Variants in DDC observed in about 807,000 individuals in gnomAD.
DDC encodes dopa decarboxylase, also known as aromatic-L-amino-acid decarboxylase.
In DDC, 43 loss-of-function variants were observed where a neutral mutation model predicts 60.0. The observed-to-expected ratio is 0.72, with a 90% confidence interval of 0.56 to 0.92. The LOEUF is 0.92. Ranked by LOEUF, DDC falls within the 40% of genes least tolerant of loss-of-function variation. DDC has a pLI of 0.00. For missense variants in DDC, 573 were observed against 620.2 expected (o/e 0.92, Z 0.81); for synonymous variants, 232 against 234.6 (o/e 0.99, Z 0.10).
chr7:50,546,538 T>G (rs2044812843), intron 1 of DDC, among the ~76,000 whole-genome samples: 1 of 152,216 alleles, frequency 6.6e-6, no homozygotes, highest in Non-Finnish European at 1.5e-5. Context: ...AGGAGGAGAC[T>G]TGGCTAAGCT....
chr7:50,487,878 G>T (rs1255428991), intron 9 of DDC, among the ~76,000 whole-genome samples: 1 of 152,034 alleles, frequency 6.6e-6, no homozygotes, highest in Non-Finnish European at 1.5e-5. Context: ...ATATTATAAG[G>T]TGTCAATATT....
At chr7:50,564,663 A>G (rs10499697) in intron 1 of DDC, among the ~76,000 whole-genome samples, 112 of 152,314 alleles carry the variant, frequency 7.4e-4, no homozygotes, top group African/African-American at 2.6e-3. Flanking sequence ...CCCAATAGAA[A>G]TTCCTATCCG....
At position 50,530,719 on chromosome 7, in the gene DDC, A is replaced by T. The variant is rs143155235; in HGVS notation, c.436-1377T>A. ...GGGGCAGCGAGCACCTTCCCTCTTA[A>T]GTAAGTCGTAGAAGAAACCCATCTA... On this transcript the variant is annotated intron_variant, in intron 4 of 14. Transcript: ENST00000444124. Among the ~76,000 whole-genome samples, 363 of 152,308 alleles carry T rather than the reference A, an allele frequency of 2.4e-3. 2 individuals are homozygous for T. The highest frequency in any genetic ancestry group is 7.9e-3 in the African/African-American group (330 of 41,570).
At chr7:50,538,097 AG>A (rs1036104529) in intron 3 of DDC, 118 bp from the exon 4 acceptor site, 1 of 1,286,102 alleles carries the variant, frequency 7.8e-7, no homozygotes, top group Non-Finnish European at 1.1e-6. Flanking sequence ...ACCCAATCTC[AG>A]ATGTGATTCA....
At chr7:50,463,514 G>A (rs2042331501) in intron 13 of DDC, 83 bp from the exon 14 acceptor site, 1 of 1,184,518 alleles carries the variant, frequency 8.4e-7, no homozygotes, top group African/African-American at 1.5e-5. Context: ...GACAGTGCTT[G>A]GCAACCCTAC....
At chr7:50,478,212 CAA>C (rs61539310) in intron 10 of DDC, among the ~76,000 whole-genome samples, 23 of 149,414 alleles carry the variant, frequency 1.5e-4, no homozygotes, top group South Asian at 2.1e-4. Flanking sequence ...AACCCTGTCT[CAA>C]AAAAAAAAAA....
Position 50,539,945 on chromosome 7 carries a change from G to A in DDC, c.285C>T (p.Cys95=), listed in dbSNP as rs748439275. The stretch of plus-strand genomic sequence containing the variant: ...AGAAGCCGATGCAGCCAATGGCCCC[G>A]CACAGCATGTCCGCAAGCATGGCCG... The part of the protein sequence containing the change: ...SYPAMLADML[C]GAIGCIGFSW... Residue 95 remains cysteine, a synonymous_variant, in exon 3 of 15, where the codon TGC becomes TGT. Coordinates refer to ENST00000444124, the MANE Select transcript of DDC (RefSeq NM_001082971.2). 15 of 1,613,692 alleles carry A rather than the reference G, an allele frequency of 9.3e-6. No individual in the cohort carries two copies. The highest frequency in any genetic ancestry group is 3.3e-5 in the South Asian group (3 of 91,052).
chr7:50,506,442 A>T (rs2043397771), intron 6 of DDC, among the ~76,000 whole-genome samples: 1 of 152,222 alleles, frequency 6.6e-6, no homozygotes. Flanking sequence ...AACCTGGCAC[A>T]TGTATACATA....
chr7:50,472,052 C>T (rs924895617), intron 11 of DDC, among the ~76,000 whole-genome samples: 1 of 152,180 alleles, frequency 6.6e-6, no homozygotes. Context: ...TCAAATGTGG[C>T]TCCAAATGTT....
chr7:50,548,397 T>C (rs2044875342), intron 1 of DDC, among the ~76,000 whole-genome samples: 1 of 152,206 alleles, frequency 6.6e-6, no homozygotes, highest in Non-Finnish European at 1.5e-5. Flanking sequence ...GGAAAAGTTA[T>C]TGAAGGAAAT....
At chr7:50,562,991 A>C (rs1226056899) in intron 1 of DDC, among the ~76,000 whole-genome samples, 1 of 152,110 alleles carries the variant, frequency 6.6e-6, no homozygotes, top group African/African-American at 2.4e-5. Flanking sequence ...GCATGATGAA[A>C]TCCCACCTCT....
intron 10 of DDC, among the ~76,000 whole-genome samples, chr7:50,479,524 C>T (rs1054435742): frequency 1.3e-5 from 2 of 152,202 alleles, no homozygotes; most frequent in African/African-American, 4.8e-5. Context: ...GCTGTGCCCA[C>T]CTGCCCCTGC....
At chr7:50,471,841 C>T (rs141358215) in intron 11 of DDC, among the ~76,000 whole-genome samples, 43 of 152,326 alleles carry the variant, frequency 2.8e-4, no homozygotes, top group Non-Finnish European at 4.7e-4. Flanking sequence ...CACTAGCTGA[C>T]TGACTATCTA....
rs377138071 is a variant in DDC, at chr7:50,511,052, T to TACACACACACAC, written c.715-7005_715-6994dup. On this transcript the variant is annotated intron_variant, in intron 6 of 14. Transcript: ENST00000444124. ...TTGCTAGGATATTAGGATATATCTA[T>TACACACACACAC]ACACACACACACACACACACACACA... 7.9e-5 allele frequency among the ~76,000 whole-genome samples: 11 copies of TACACACACACAC among 139,136 alleles called. No individual in the cohort carries two copies. In the East Asian group the frequency reaches 1.1e-3, roughly 13 times the overall value. 91.3% of individuals were successfully genotyped at this position (139,136 alleles called of 152,430 possible). A position where few individuals can be genotyped will look rare whatever the true frequency, so the allele number is the denominator to read the frequency against.
intron 9 of DDC, among the ~76,000 whole-genome samples, chr7:50,480,301 A>AT (rs1436334089): frequency 6.6e-6 from 1 of 152,216 alleles, no homozygotes. Context: ...TAAATGCTTC[A>AT]TGATGCTGGG....
intron 1 of DDC, among the ~76,000 whole-genome samples, chr7:50,552,218 T>C (rs945749099): frequency 2.0e-5 from 3 of 152,264 alleles, no homozygotes; most frequent in Non-Finnish European, 4.4e-5. Context: ...CATTTGTAGC[T>C]GTTTGATATT....
rs74859924 is a variant in DDC, at chr7:50,462,277, C to G, written c.*18+936G>C. ...AATAAACAGAAAAAGGTAGACATAC[C>G]CCAACAGGATGACATTCTTAAGATA... On this transcript the variant is annotated intron_variant, in intron 14 of 14. Coordinates refer to ENST00000444124, the MANE Select transcript of DDC (RefSeq NM_001082971.2). Among the ~76,000 whole-genome samples the G allele has an allele frequency of 4.7e-3, 697 of 149,886 alleles. 3 individuals are homozygous for G. The highest frequency in any genetic ancestry group is 8.8e-3 in the South Asian group (41 of 4,672).
intron 2 of DDC, among the ~76,000 whole-genome samples, chr7:50,541,123 C>T (rs146375653): frequency 4.1e-4 from 63 of 152,350 alleles, no homozygotes; most frequent in African/African-American, 1.4e-3. Flanking sequence ...GCTGTGACCA[C>T]GCACTGGTTT....
intron 1 of DDC, among the ~76,000 whole-genome samples, chr7:50,547,664 CA>C (rs35197006): frequency 0.43 from 64,997 of 151,976 alleles, 14,664 homozygotes; most frequent in Non-Finnish European, 0.51. Flanking sequence ...TCCCAGTGGC[CA>C]ACACTCCGAG....
Sources: allele counts gnomAD v4.1 joint callset (sites outside exome capture counted in the v4.1 genomes callset), GRCh38; gene constraint gnomAD v4.1.1; transcripts MANE v1.5; gene names NCBI Gene and HGNC (gene_info 2026-07-23, HGNC 2026-07-21).